The following PAX5 variants were observed in gnomAD, a reference collection of about 807,000 sequenced individuals.
The protein encoded by PAX5 is paired box 5.
In PAX5, 9 loss-of-function variants were observed where a neutral mutation model predicts 43.7. That is an observed-to-expected ratio of 0.21 (90% CI 0.12 to 0.36). PAX5 has a LOEUF of 0.36. Ranked by LOEUF, PAX5 falls within the 10% of genes least tolerant of loss-of-function variation. The pLI is 1.00. For missense variants in PAX5, 383 were observed against 532.7 expected, an observed-to-expected ratio of 0.72 and a Z score of 2.77; for synonymous variants, 228 against 214.3, an observed-to-expected ratio of 1.06 and a Z score of -0.56.
chr9:36,949,151 T>TC (rs1371484084), intron 6 of PAX5, among the ~76,000 whole-genome samples: 1 of 152,028 alleles, frequency 6.6e-6, no homozygotes, highest in Non-Finnish European at 1.5e-5. Context: ...AACCTCTGCC[T>TC]CCGGGTTCAC....
At chr9:36,918,508 T>A (rs925584419) in intron 7 of PAX5, among the ~76,000 whole-genome samples, 1 of 151,904 alleles carries the variant, frequency 6.6e-6, no homozygotes, top group Non-Finnish European at 1.5e-5. Flanking sequence ...ACAAAAAATT[T>A]AAAAATTAGC....
chr9:36,963,909 A>G (rs992533955), intron 6 of PAX5, among the ~76,000 whole-genome samples: 7 of 152,120 alleles, frequency 4.6e-5, no homozygotes, highest in African/African-American at 1.7e-4. Flanking sequence ...CTGGGCCTCT[A>G]AAAAAACAAC....
intron 8 of PAX5, among the ~76,000 whole-genome samples, chr9:36,877,901 T>C (rs1413786354): frequency 6.6e-6 from 1 of 152,180 alleles, no homozygotes; most frequent in Non-Finnish European, 1.5e-5. Flanking sequence ...ATGACCTAAA[T>C]GCATATGTAT....
At chr9:36,926,330 A>G (rs543329449) in intron 6 of PAX5, among the ~76,000 whole-genome samples, 5 of 152,356 alleles carry the variant, frequency 3.3e-5, no homozygotes, top group East Asian at 1.9e-4. Context: ...GGTCTCCCAC[A>G]TAGAAAGGAT....
At chr9:36,841,252 G>C (rs1822021026) in intron 9 of PAX5, among the ~76,000 whole-genome samples, 1 of 152,254 alleles carries the variant, frequency 6.6e-6, no homozygotes, top group Non-Finnish European at 1.5e-5. Context: ...AATGCGAACA[G>C]ATGAGCACAT....
chr9:36,993,324 C>T (rs972646038), intron 5 of PAX5, among the ~76,000 whole-genome samples: 1 of 152,186 alleles, frequency 6.6e-6, no homozygotes, highest in Admixed American at 6.5e-5. Flanking sequence ...TTTAAACTTT[C>T]ATCCATTTTA....
At chr9:37,025,970 CTACTTCCTT>C in intron 1 of PAX5, among the ~76,000 whole-genome samples, 1 of 152,166 alleles carries the variant, frequency 6.6e-6, no homozygotes, top group East Asian at 1.9e-4. Flanking sequence ...TCAGAAACCG[CTACTTCCTT>C]GATTTTTCAA....
chr9:37,023,106 A>T (rs1238309790), intron 1 of PAX5, among the ~76,000 whole-genome samples: 1 of 152,198 alleles, frequency 6.6e-6, no homozygotes, highest in African/African-American at 2.4e-5. Flanking sequence ...AAGTGTAAAG[A>T]GTGGGAACTG....
intron 6 of PAX5, among the ~76,000 whole-genome samples, chr9:36,936,892 C>A (rs1016123200): frequency 6.6e-6 from 1 of 151,900 alleles, no homozygotes; most frequent in Non-Finnish European, 1.5e-5. Flanking sequence ...CCAAAGACCA[C>A]CTCTCTGCCC....
intron 7 of PAX5, among the ~76,000 whole-genome samples, chr9:36,898,521 C>T (rs1828072540): frequency 6.6e-6 from 1 of 152,204 alleles, no homozygotes; most frequent in African/African-American, 2.4e-5. Context: ...GCCATCCCCA[C>T]CAAATTGAAG....
chr9:36,950,906 A>G (rs950487919), intron 6 of PAX5, among the ~76,000 whole-genome samples: 4 of 152,006 alleles, frequency 2.6e-5, no homozygotes, highest in Non-Finnish European at 1.5e-5. Context: ...ACGCCCAGCT[A>G]ATTTTTTGTA....
chr9:36,942,960 G>A (rs940135878), intron 6 of PAX5, among the ~76,000 whole-genome samples: 6 of 152,184 alleles, frequency 3.9e-5, no homozygotes, highest in Non-Finnish European at 8.8e-5. Context: ...ACCATGGAGC[G>A]TAACACCCGC....
chr9:36,961,488 C>T (rs1048312561), intron 6 of PAX5, among the ~76,000 whole-genome samples: 7 of 152,328 alleles, frequency 4.6e-5, no homozygotes, highest in Admixed American at 1.3e-4. Context: ...GATAATTAGC[C>T]AGGAATTAGG....
chr9:37,009,013 C>T (rs1838707598), intron 3 of PAX5, among the ~76,000 whole-genome samples: 1 of 152,274 alleles, frequency 6.6e-6, no homozygotes, highest in South Asian at 2.1e-4. Flanking sequence ...ATATACCAGA[C>T]ATAAATATAG....
rs377436518 is a variant in PAX5 at position 36,896,001 on chromosome 9, C to T, written c.911-13896G>A. 7.0e-4 allele frequency among the ~76,000 whole-genome samples: 106 copies of T among 152,256 alleles called. 1 individual carries two copies. Among genetic ancestry groups the T allele is most frequent in the Non-Finnish European group, 1.2e-3 (85 of 68,014 alleles). On this transcript the variant is annotated intron_variant, in intron 7 of 9. Transcript: ENST00000358127. The stretch of plus-strand genomic sequence containing the variant: ...ACCCCGCACTTCCTCACTGTGCCCT[C>T]GGGCAGGTCCCCTCTCCTCTGTAAA...
At chr9:36,916,421 G>T (rs1421425262) in intron 7 of PAX5, among the ~76,000 whole-genome samples, 1 of 152,116 alleles carries the variant, frequency 6.6e-6, no homozygotes, top group East Asian at 1.9e-4. Context: ...AGCTATCACT[G>T]AGTATTAATT....
intron 2 of PAX5, among the ~76,000 whole-genome samples, chr9:37,016,996 C>G (rs1839441439): frequency 6.6e-6 from 1 of 152,188 alleles, no homozygotes; most frequent in Non-Finnish European, 1.5e-5. Context: ...TTCCCTCTTT[C>G]TAAAAAATTG....
At chr9:36,949,046 TG>T (rs1832783677) in intron 6 of PAX5, among the ~76,000 whole-genome samples, 1 of 152,186 alleles carries the variant, frequency 6.6e-6, no homozygotes, top group African/African-American at 2.4e-5. Flanking sequence ...CAAGTATTGC[TG>T]TTTTTTTGTT....
intron 5 of PAX5, among the ~76,000 whole-genome samples, chr9:36,968,480 A>G (rs755134290): frequency 6.6e-6 from 1 of 152,248 alleles, no homozygotes; most frequent in Non-Finnish European, 1.5e-5. Context: ...ACAGGCTCAG[A>G]GGACCCAGCA....
Sources: allele counts gnomAD v4.1 joint callset (sites outside exome capture counted in the v4.1 genomes callset), GRCh38; gene constraint gnomAD v4.1.1; transcripts MANE v1.5; gene names NCBI Gene and HGNC (gene_info 2026-07-23, HGNC 2026-07-21).